Variants in ITPRID1 observed in about 807,000 individuals in gnomAD.
The protein encoded by ITPRID1 is ITPR interacting domain containing 1.
ITPRID1 carries 96 observed loss-of-function variants against 95.4 expected under a neutral mutation model. The ratio of observed to expected loss-of-function variants is 1.01; its 90% confidence interval spans 0.85 to 1.19. ITPRID1 has a LOEUF of 1.19. ITPRID1 is among the 50% of genes most tolerant of loss of function. The pLI is 0.00. For synonymous variants in ITPRID1, 510 were observed against 453.6 expected, an observed-to-expected ratio of 1.12 and a Z score of -1.58; for missense variants, 1,339 against 1,252.9, an observed-to-expected ratio of 1.07 and a Z score of -1.04.
At chr7:31,595,186 A>T (rs1303627782) in intron 10 of ITPRID1, among the ~76,000 whole-genome samples, 1 of 150,576 alleles carries the variant, frequency 6.6e-6, no homozygotes, top group Admixed American at 6.7e-5. Flanking sequence ...CTGGGATTAC[A>T]GGCATGAGCC....
chr7:31,657,695 T>C (rs1791365640), downstream of ITPRID1, among the ~76,000 whole-genome samples: 1 of 152,170 alleles, frequency 6.6e-6, no homozygotes, highest in African/African-American at 2.4e-5. Flanking sequence ...TTTTGTTTTA[T>C]GCATTGACCA....
chr7:31,591,087 G>A (rs1443672581), intron 10 of ITPRID1, among the ~76,000 whole-genome samples: 1 of 152,196 alleles, frequency 6.6e-6, no homozygotes, highest in African/African-American at 2.4e-5. Flanking sequence ...AACACTGACT[G>A]TGGAATGGGC....
chr7:31,533,559 G>A (rs1783668166), intron 1 of ITPRID1, among the ~76,000 whole-genome samples: 1 of 151,906 alleles, frequency 6.6e-6, no homozygotes, highest in Non-Finnish European at 1.5e-5. Flanking sequence ...AGATTCATGA[G>A]TCATTTATTT....
intron 1 of ITPRID1, among the ~76,000 whole-genome samples, chr7:31,526,245 G>A (rs1028687297): frequency 6.6e-6 from 1 of 152,164 alleles, no homozygotes; most frequent in East Asian, 1.9e-4. Context: ...ATCGCAGTTG[G>A]TATACAGCTG....
intron 9 of ITPRID1, among the ~76,000 whole-genome samples, chr7:31,581,700 T>C (rs946182027): frequency 3.3e-5 from 5 of 152,168 alleles, no homozygotes; most frequent in Admixed American, 6.5e-5. Context: ...TGGCTTTCAT[T>C]TTAAATTAAT....
At chr7:31,597,793 A>G (rs1481274194) in intron 10 of ITPRID1, among the ~76,000 whole-genome samples, 4 of 152,162 alleles carry the variant, frequency 2.6e-5, no homozygotes, top group Non-Finnish European at 4.4e-5. Flanking sequence ...CCTAAAATTC[A>G]TGTGTACAAG....
chr7:31,630,619 G>C (rs1188934789), intron 10 of ITPRID1, among the ~76,000 whole-genome samples: 1 of 152,070 alleles, frequency 6.6e-6, no homozygotes, highest in African/African-American at 2.4e-5. Flanking sequence ...CATCGAGTAT[G>C]TCACATATTT....
At chr7:31,532,958 G>A (rs1783646849) in intron 1 of ITPRID1, among the ~76,000 whole-genome samples, 1 of 152,134 alleles carries the variant, frequency 6.6e-6, no homozygotes, top group African/African-American at 2.4e-5. Flanking sequence ...TGTTTATTAA[G>A]AATACTGGTC....
chr7:31,589,852 G>A (rs1273791155), intron 10 of ITPRID1, among the ~76,000 whole-genome samples: 1 of 152,088 alleles, frequency 6.6e-6, no homozygotes, highest in African/African-American at 2.4e-5. Context: ...TATACCATAT[G>A]TTGATGTTAT....
chr7:31,615,254 C>A (rs898322060), intron 10 of ITPRID1, among the ~76,000 whole-genome samples: 1 of 152,022 alleles, frequency 6.6e-6, no homozygotes, highest in Admixed American at 6.5e-5. Flanking sequence ...GACATGCATG[C>A]TTTAATGGAA....
chr7:31,616,608 TG>T, intron 10 of ITPRID1, among the ~76,000 whole-genome samples: 1 of 152,278 alleles, frequency 6.6e-6, no homozygotes, highest in South Asian at 2.1e-4. Flanking sequence ...ACAGGCACAA[TG>T]TTATTTCAGC....
intron 1 of ITPRID1, among the ~76,000 whole-genome samples, chr7:31,525,425 T>C (rs1163096308): frequency 1.3e-5 from 2 of 152,186 alleles, no homozygotes; most frequent in Admixed American, 6.5e-5. Context: ...CAATCAAAAA[T>C]GTCTCTAGAC....
At chr7:31,580,798 A>G (rs1237615707) in intron 9 of ITPRID1, among the ~76,000 whole-genome samples, 1 of 151,976 alleles carries the variant, frequency 6.6e-6, no homozygotes, top group Non-Finnish European at 1.5e-5. Flanking sequence ...AAAACAGAAC[A>G]CTCTGTCAAA....
chr7:31,598,508 A>C (rs933654812), intron 10 of ITPRID1, among the ~76,000 whole-genome samples: 1 of 141,104 alleles, frequency 7.1e-6, no homozygotes, highest in East Asian at 2.1e-4. Context: ...GGTTCAGGCC[A>C]TTCTCCTGCC....
At chr7:31,617,779 T>C (rs1787404059) in intron 10 of ITPRID1, among the ~76,000 whole-genome samples, 1 of 152,130 alleles carries the variant, frequency 6.6e-6, no homozygotes, top group Admixed American at 6.5e-5. Flanking sequence ...AAATTGAAGA[T>C]AATAAAGATA....
intron 12 of ITPRID1, among the ~76,000 whole-genome samples, chr7:31,647,009 CAAAGA>C (rs1291474826): frequency 6.6e-6 from 1 of 152,228 alleles, no homozygotes; most frequent in Non-Finnish European, 1.5e-5. Context: ...AAAATACACT[CAAAGA>C]AAACAATTCA....
intron 5 of ITPRID1, among the ~76,000 whole-genome samples, chr7:31,566,635 CCA>C (rs1476597832): frequency 6.6e-6 from 1 of 152,170 alleles, no homozygotes; most frequent in Non-Finnish European, 1.5e-5. Context: ...ATTTTATCTT[CCA>C]TTTAGGCAAC....
intron 10 of ITPRID1, among the ~76,000 whole-genome samples, chr7:31,585,177 A>G (rs1785543938): frequency 6.6e-6 from 1 of 152,248 alleles, no homozygotes; most frequent in Non-Finnish European, 1.5e-5. Context: ...CGAGCTGGCC[A>G]GCCCACAGAG....
intron 1 of ITPRID1, among the ~76,000 whole-genome samples, chr7:31,522,104 G>A (rs1783283228): frequency 6.6e-6 from 1 of 151,804 alleles, no homozygotes; most frequent in Admixed American, 6.6e-5. Flanking sequence ...GCACCTCCAG[G>A]GACTGCGAAC....
Sources: gnomAD v4.1 joint callset for allele counts (sites outside exome capture counted in the v4.1 genomes callset) on GRCh38, gnomAD v4.1.1 for gene constraint, MANE v1.5 for transcripts, NCBI Gene and HGNC (gene_info 2026-07-23, HGNC 2026-07-21) for gene names.